Variants in PLCB1 observed in about 807,000 individuals in gnomAD.
The protein encoded by PLCB1 is phospholipase C beta 1, also known as 1-phosphatidylinositol 4,5-bisphosphate phosphodiesterase beta-1.
A neutral mutation model predicts 161.8 loss-of-function variants in PLCB1; 46 were observed. That is an observed-to-expected ratio of 0.28 (90% CI 0.22 to 0.36). PLCB1 has a LOEUF of 0.36. Ranked by LOEUF, PLCB1 falls within the 10% of genes least tolerant of loss-of-function variation. PLCB1 has a pLI of 1.00. For synonymous variants in PLCB1, 517 were observed against 503.7 expected (o/e 1.03, Z -0.35); for missense variants, 1,016 against 1,472.5 (o/e 0.69, Z 5.07).
chr20:8,710,048 C>A (rs985241466), intron 12 of PLCB1, among the ~76,000 whole-genome samples: 3 of 152,132 alleles, frequency 2.0e-5, no homozygotes, highest in Admixed American at 2.0e-4. Flanking sequence ...ACGTATGAGT[C>A]CATTCTTGTA....
intron 31 of PLCB1, among the ~76,000 whole-genome samples, chr20:8,799,844 A>G (rs1425876296): frequency 2.0e-5 from 3 of 152,210 alleles, no homozygotes; most frequent in African/African-American, 7.2e-5. Context: ...TGTCATTTCT[A>G]GGTTATTTAT....
intron 2 of PLCB1, among the ~76,000 whole-genome samples, chr20:8,172,882 AG>A (rs2123071993): frequency 6.6e-6 from 1 of 152,314 alleles, no homozygotes; most frequent in Admixed American, 6.5e-5. Context: ...AGCCAGTAAA[AG>A]AAGGTGATCA....
chr20:8,501,708 A>G (rs1396087274), intron 3 of PLCB1, among the ~76,000 whole-genome samples: 1 of 152,212 alleles, frequency 6.6e-6, no homozygotes, highest in Non-Finnish European at 1.5e-5. Flanking sequence ...CAACTCTTCT[A>G]TGGAGTTGAG....
chr20:8,876,474 G>A (rs1374102318), intron 31 of PLCB1, among the ~76,000 whole-genome samples: 1 of 152,116 alleles, frequency 6.6e-6, no homozygotes, highest in African/African-American at 2.4e-5. Context: ...AAAGGATGGG[G>A]CCAGCTGTGT....
intron 19 of PLCB1, among the ~76,000 whole-genome samples, 189 bp from the exon 20 acceptor site, chr20:8,736,839 T>C (rs1980611707): frequency 6.6e-6 from 1 of 152,176 alleles, no homozygotes; most frequent in African/African-American, 2.4e-5. Flanking sequence ...GGTGAGGACA[T>C]AGAACCAAAC....
chr20:8,436,103 C>T (rs1980288651), intron 3 of PLCB1, among the ~76,000 whole-genome samples: 1 of 152,136 alleles, frequency 6.6e-6, no homozygotes, highest in Non-Finnish European at 1.5e-5. Flanking sequence ...CTTTGGGAGG[C>T]TGAGGCAGGT....
chr20:8,625,240 A>C (rs945371288), intron 3 of PLCB1: 8 of 152,226 alleles, frequency 5.3e-5, no homozygotes, highest in African/African-American at 1.9e-4. Flanking sequence ...ATGCATTTGC[A>C]GTTTGTCCGT....
At chr20:8,687,235 G>A (rs1990380844) in intron 10 of PLCB1, among the ~76,000 whole-genome samples, 3 of 152,034 alleles carry the variant, frequency 2.0e-5, no homozygotes, top group Admixed American at 6.6e-5. Context: ...ATGTTGCCCA[G>A]GCTGGACTCA....
At chr20:8,662,485 A>AT (rs901170467) in intron 9 of PLCB1, among the ~76,000 whole-genome samples, 2 of 138,654 alleles carry the variant, frequency 1.4e-5, no homozygotes, top group African/African-American at 2.6e-5. Context: ...TATATATATA[A>AT]TTTTTTATTA....
chr20:8,652,097 A>G (rs1274654309), intron 7 of PLCB1: 1 of 152,260 alleles, frequency 6.6e-6, no homozygotes, highest in Non-Finnish European at 1.5e-5. Flanking sequence ...TTTCTAAACA[A>G]CTGGATTCTG....
chr20:8,424,335 CTT>C (rs891758493), intron 3 of PLCB1, among the ~76,000 whole-genome samples: 1 of 152,196 alleles, frequency 6.6e-6, no homozygotes, highest in African/African-American at 2.4e-5. Flanking sequence ...GATAACATAT[CTT>C]TACATTTGAA....
chr20:8,327,348 T>TG (rs1985198055), intron 2 of PLCB1, among the ~76,000 whole-genome samples: 1 of 152,182 alleles, frequency 6.6e-6, no homozygotes, highest in Non-Finnish European at 1.5e-5. Flanking sequence ...ATTCCAGTTG[T>TG]GGGGAGGGAG....
intron 3 of PLCB1, among the ~76,000 whole-genome samples, chr20:8,523,398 A>G (rs865898299): frequency 9.0e-5 from 11 of 122,578 alleles, no homozygotes; most frequent in Admixed American, 5.1e-4. Flanking sequence ...CATAACAAAT[A>G]TGTGTGTGTG....
rs752268619 is a variant in PLCB1 at position 8,629,817 on chromosome 20, TTTTCTTTC to T, written c.384+1440_384+1447del. Among the ~76,000 whole-genome samples the T allele has an allele frequency of 4.8e-3, 468 of 96,914 alleles. 4 individuals are homozygous for T. Among genetic ancestry groups the T allele is most frequent in the Middle Eastern group, 0.012 (2 of 170 alleles). 63.6% of individuals were successfully genotyped at this position (96,914 alleles called of 152,430 possible). On this transcript the variant is annotated intron_variant, in intron 4 of 31. Coordinates refer to ENST00000338037, the MANE Select transcript of PLCB1 (RefSeq NM_015192.4). ...TTCTTTCTTTTCTTTCTTTTCTTTCTTTTCTTTCTTTCTTTCTTTCTTTCTTTCTTTCT... is the reference window on the plus strand; with the variant it reads ...TTCTTTCTTTTCTTTCTTTTCTTTCTTTTCTTTCTTTCTTTCTTTCTTTCT...
chr20:8,432,714 C>G (rs1306672197), intron 3 of PLCB1, among the ~76,000 whole-genome samples: 1 of 152,168 alleles, frequency 6.6e-6, no homozygotes, highest in South Asian at 2.1e-4. Context: ...GCGACAGAAA[C>G]TTAGAAGTGG....
chr20:8,761,061 A>G (rs1408396717), intron 25 of PLCB1, among the ~76,000 whole-genome samples: 1 of 152,222 alleles, frequency 6.6e-6, no homozygotes, highest in Non-Finnish European at 1.5e-5. Context: ...AAACAACCCA[A>G]TGTCCATCAG....
chr20:8,231,274 C>G (rs1222184457), intron 2 of PLCB1, among the ~76,000 whole-genome samples: 2 of 152,174 alleles, frequency 1.3e-5, no homozygotes, highest in Non-Finnish European at 2.9e-5. Context: ...TAAGATAACT[C>G]TTTCTTGGGA....
At chr20:8,791,097 G>A (rs990140225) in intron 31 of PLCB1, among the ~76,000 whole-genome samples, 1 of 152,108 alleles carries the variant, frequency 6.6e-6, no homozygotes, top group South Asian at 2.1e-4. Flanking sequence ...ACTTCTTATA[G>A]ATTTCTTATG....
At chr20:8,635,713 C>T (rs561319645) in intron 4 of PLCB1, among the ~76,000 whole-genome samples, 9 of 152,038 alleles carry the variant, frequency 5.9e-5, no homozygotes, top group South Asian at 2.1e-4. Context: ...GAAGATGTCA[C>T]GGAGAGGGGA....
Sources: allele counts gnomAD v4.1 joint callset (sites outside exome capture counted in the v4.1 genomes callset), GRCh38; gene constraint gnomAD v4.1.1; transcripts MANE v1.5; gene names NCBI Gene and HGNC (gene_info 2026-07-23, HGNC 2026-07-21).